CABCOCO1: variants seen among roughly 807,000 people sequenced by gnomAD.
CABCOCO1 encodes ciliary associated calcium binding coiled-coil 1, also known as ciliary-associated calcium-binding coiled-coil protein 1.
In CABCOCO1, 28 loss-of-function variants were observed where a neutral mutation model predicts 35.7. The ratio of observed to expected loss-of-function variants is 0.78; its 90% CI spans 0.58 to 1.07. The LOEUF (loss-of-function observed/expected upper bound fraction) is 1.07. Among genes scored for constraint, CABCOCO1 ranks in the 50% least tolerant of loss-of-function variants. The pLI is 0.00. For missense variants in CABCOCO1, 326 were observed against 309.2 expected, an observed-to-expected ratio of 1.05 and a Z score of -0.41; for synonymous variants, 95 against 100.1, an observed-to-expected ratio of 0.95 and a Z score of 0.30.
At position 61,681,147 on chromosome 10, in the gene CABCOCO1, C is replaced by G. The variant is rs1839779150; in HGVS notation, c.169C>G (p.Leu57Val). Residue 57 changes from leucine (L) to valine (V), a missense_variant, in exon 3 of 8, where the codon CTG (leucine) becomes GTG (valine). Coordinates refer to ENST00000648843, the MANE Select transcript of CABCOCO1 (RefSeq NM_001366906.2). ...GATTTTTGTTTTATTTTACAGAAAACTGAGAATATTTTTGAATTTCAAAAA... is the reference window on the plus strand; with the variant it reads ...GATTTTTGTTTTATTTTACAGAAAAGTGAGAATATTTTTGAATTTCAAAAA... ...MEDIDGVQEK[L>V]RIFLNFKNLE... is the part of the protein sequence containing the mutation. The G allele has an allele frequency of 7.0e-7, 1 of 1,437,418 alleles. No individual in the cohort carries two copies. The highest frequency in any genetic ancestry group is 2.6e-5 in the Admixed American group (1 of 38,734). 89.0% of individuals were successfully genotyped at this position (1,437,418 alleles called of 1,614,324 possible).
intron 4 of CABCOCO1, among the ~76,000 whole-genome samples, chr10:61,688,598 C>T (rs974379655): frequency 6.6e-6 from 1 of 152,114 alleles, no homozygotes; most frequent in Non-Finnish European, 1.5e-5. Flanking sequence ...ACACGTCTGC[C>T]GTTGTGGATT....
chr10:61,663,225 G>A (rs1342293489), intron 1 of CABCOCO1, 193 bp downstream of exon 1: 1 of 166,516 alleles, frequency 6.0e-6, no homozygotes, highest in African/African-American at 2.4e-5. Context: ...GACACCCTCT[G>A]CAGCCCGGCG....
At chr10:61,669,020 G>GAAAAAAAAAAAAAAAAAAAAA (rs200867627) in intron 1 of CABCOCO1, among the ~76,000 whole-genome samples, 50 of 102,454 alleles carry the variant, frequency 4.9e-4, no homozygotes, top group African/African-American at 1.1e-3. Context: ...AAGGGTTGGG[G>GAAAAAAAAAAAAAAAAAAAAA]AAAAAAAAAA....
chr10:61,726,825 G>GT lies in CABCOCO1; in HGVS notation c.553-33234_553-33233insT, dbSNP rs1564548657. Among the ~76,000 whole-genome samples, 44 of 115,432 alleles carry GT rather than the reference G, an allele frequency of 3.8e-4. No individual in the cohort carries two copies. The Admixed American group carries it at 3.9e-3, about 10-fold the overall frequency. The allele number at this position is 115,432 out of a possible 152,430, so 75.7% of individuals were successfully genotyped here. On this transcript the variant is annotated intron_variant, in intron 5 of 7. Coordinates refer to ENST00000648843, the MANE Select transcript of CABCOCO1 (RefSeq NM_001366906.2). ...GTAATCCCAGCACTTTGGGAGGCGA[G>GT]CGGGGGTGGATCACCTGAGGTCAGG...
intron 1 of CABCOCO1, among the ~76,000 whole-genome samples, chr10:61,664,928 T>A (rs1366316931): frequency 1.3e-5 from 2 of 152,198 alleles, no homozygotes; most frequent in Non-Finnish European, 2.9e-5. Flanking sequence ...TCAGATCAAA[T>A]TCTTTACAAT....
chr10:61,737,906 A>G (rs1232216414), intron 5 of CABCOCO1, among the ~76,000 whole-genome samples: 2 of 152,120 alleles, frequency 1.3e-5, no homozygotes, highest in Non-Finnish European at 2.9e-5. Flanking sequence ...AACCCCTGTG[A>G]CACATGTTTA....
chr10:61,679,322 T>C (rs1010097741), intron 2 of CABCOCO1, among the ~76,000 whole-genome samples: 49 of 139,738 alleles, frequency 3.5e-4, no homozygotes, highest in African/African-American at 1.3e-3. Context: ...TATATCTATA[T>C]CTATATCTAT....
intron 5 of CABCOCO1, among the ~76,000 whole-genome samples, chr10:61,729,631 T>C (rs1037713308): frequency 6.6e-6 from 1 of 152,160 alleles, no homozygotes; most frequent in Non-Finnish European, 1.5e-5. Flanking sequence ...TCAAAAAGAA[T>C]TTAAATCAAG....
At chr10:61,737,903 G>A (rs58663365) in intron 5 of CABCOCO1, among the ~76,000 whole-genome samples, 8 of 152,050 alleles carry the variant, frequency 5.3e-5, no homozygotes, top group Non-Finnish European at 8.8e-5. Context: ...ACAAACCCCT[G>A]TGACACATGT....
intron 5 of CABCOCO1, among the ~76,000 whole-genome samples, chr10:61,713,035 C>A (rs1840770402): frequency 6.6e-6 from 1 of 152,178 alleles, no homozygotes; most frequent in Non-Finnish European, 1.5e-5. Flanking sequence ...TTTTCCAATT[C>A]TGTGACGAAA....
intron 7 of CABCOCO1, among the ~76,000 whole-genome samples, chr10:61,761,229 A>G (rs1425163766): frequency 1.3e-5 from 2 of 151,994 alleles, no homozygotes; most frequent in African/African-American, 4.8e-5. Flanking sequence ...TCAGTTAAAA[A>G]AATCAACAAC....
At chr10:61,756,787 G>C (rs117160123) in intron 5 of CABCOCO1, among the ~76,000 whole-genome samples, 1 of 151,926 alleles carries the variant, frequency 6.6e-6, no homozygotes, top group Non-Finnish European at 1.5e-5. Flanking sequence ...GAAGAAGGGA[G>C]GTTGCTAAAT....
In CABCOCO1 at chr10:61,760,109, G is replaced by A. The variant is rs570350422; in HGVS notation, c.603G>A (p.Leu201=). Residue 201 remains leucine, a synonymous_variant, in exon 6 of 8, where the codon CTG becomes CTA. Coordinates refer to ENST00000648843, the MANE Select transcript of CABCOCO1 (RefSeq NM_001366906.2). ...CATGTGGCCCTTTCCCAAATCCTCT[G>A]GAAGAAGGAATCTCATTTGATATTT... is the stretch of plus-strand genomic sequence containing the variant. The part of the protein sequence containing the change: ...KSACGPFPNP[L]EEGISFDIYS... 42 of 1,612,448 alleles carry A rather than the reference G, an allele frequency of 2.6e-5. 1 individual carries two copies. The East Asian group carries it at 6.7e-4, about 26-fold the overall frequency.
intron 5 of CABCOCO1, among the ~76,000 whole-genome samples, chr10:61,759,029 G>C (rs1841954809): frequency 6.6e-6 from 1 of 151,856 alleles, no homozygotes; most frequent in African/African-American, 2.4e-5. Flanking sequence ...GGCTTCACAG[G>C]ATGATAATTA....
At chr10:61,703,428 G>A (rs904802483) in intron 5 of CABCOCO1, among the ~76,000 whole-genome samples, 3 of 151,964 alleles carry the variant, frequency 2.0e-5, no homozygotes, top group Non-Finnish European at 4.4e-5. Context: ...GCTAACAAAT[G>A]AACCCAGTTA....
At chr10:61,725,326 A>G (rs1459346180) in intron 5 of CABCOCO1, among the ~76,000 whole-genome samples, 3 of 152,222 alleles carry the variant, frequency 2.0e-5, no homozygotes, top group East Asian at 1.9e-4. Flanking sequence ...TTACTGCAGC[A>G]CTATTCACAG....
chr10:61,681,996 G>T (rs1036661927), intron 3 of CABCOCO1, among the ~76,000 whole-genome samples: 30 of 152,190 alleles, frequency 2.0e-4, no homozygotes, highest in African/African-American at 6.5e-4. Context: ...CATCACTTAT[G>T]CAAAAATTAA....
intron 5 of CABCOCO1, among the ~76,000 whole-genome samples, chr10:61,691,645 C>G (rs531792558): frequency 2.0e-5 from 3 of 152,034 alleles, no homozygotes; most frequent in East Asian, 3.9e-4. Context: ...CCTCCCCTTG[C>G]CCCCCACTCC....
chr10:61,728,735 G>A (rs185941075), intron 5 of CABCOCO1, among the ~76,000 whole-genome samples: 411 of 152,254 alleles, frequency 2.7e-3, no homozygotes, highest in South Asian at 7.9e-3. Flanking sequence ...CTAGCGAGAT[G>A]GAGCTTATCC....
Sources: allele counts gnomAD v4.1 joint callset (sites outside exome capture counted in the v4.1 genomes callset), GRCh38; gene constraint gnomAD v4.1.1; transcripts MANE v1.5; gene names NCBI Gene and HGNC (gene_info 2026-07-23, HGNC 2026-07-21).